The following EIF5B variants were observed in gnomAD, a reference collection of about 807,000 sequenced individuals.
The protein encoded by EIF5B is eIF-5B.
A neutral mutation model predicts 147.5 loss-of-function variants in EIF5B; 47 were observed. That is an observed-to-expected ratio of 0.32 (90% CI 0.25 to 0.41). The LOEUF is 0.41. EIF5B is among the 10% of genes least tolerant of loss of function. The pLI is 1.00. For missense variants in EIF5B, 1,064 were observed against 1,413.2 expected (o/e 0.75, Z 3.96); for synonymous variants, 455 against 456.2 (o/e 1.00, Z 0.03).
chr2:99,351,068 T>TTA (rs1673943237), intron 1 of EIF5B, among the ~76,000 whole-genome samples: 1 of 152,166 alleles, frequency 6.6e-6, no homozygotes, highest in African/African-American at 2.4e-5. Context: ...GGCTCACCAC[T>TTA]GTAATCCCAG....
Position 99,363,882 on chromosome 2 carries a change from G to A in EIF5B, c.1137+20G>A, listed in dbSNP as rs1674272351. 1.3e-6 allele frequency: 2 copies of A among 1,592,204 alleles called. No homozygotes were observed. Among genetic ancestry groups the A allele is most frequent in the South Asian group, 1.2e-5 (1 of 86,822 alleles). On this transcript the variant is annotated intron_variant, in intron 5 of 23. Transcript: ENST00000289371. ...GAAGAGGTATGTTTTCATGAAGTTG[G>A]TAACATTGATATTGTGTTTAACTTA...
chr2:99,378,957 T>A, intron 10 of EIF5B, 62 bp from the exon 11 acceptor site: 1 of 1,301,666 alleles, frequency 7.7e-7, no homozygotes, highest in South Asian at 1.7e-5. Context: ...AAACAGAAAA[T>A]AAGGATAGTG....
chr2:99,381,435 G>C (rs1674685849), intron 12 of EIF5B, among the ~76,000 whole-genome samples: 1 of 151,850 alleles, frequency 6.6e-6, no homozygotes, highest in African/African-American at 2.4e-5. Context: ...GCATTATTTT[G>C]ATGTAGATCA....
At chr2:99,355,162 G>A (rs539072234) in intron 1 of EIF5B, among the ~76,000 whole-genome samples, 2 of 152,222 alleles carry the variant, frequency 1.3e-5, no homozygotes, top group Admixed American at 6.5e-5. Flanking sequence ...GTCTTGATCT[G>A]TGTCTATTCC....
chr2:99,360,649 A>G, intron 3 of EIF5B, 100 bp downstream of exon 3: 11 of 1,065,888 alleles, frequency 1.0e-5, no homozygotes, highest in South Asian at 2.0e-5. Context: ...TGAGCAGTGT[A>G]CAATATGTTA....
chr2:99,366,960 G>A (rs1264963642), intron 6 of EIF5B, among the ~76,000 whole-genome samples: 1 of 152,192 alleles, frequency 6.6e-6, no homozygotes, highest in East Asian at 1.9e-4. Context: ...TTTGTAGCAA[G>A]TGGTACTAGA....
intron 1 of EIF5B, among the ~76,000 whole-genome samples, chr2:99,344,888 T>A (rs1026326855): frequency 6.6e-6 from 1 of 152,222 alleles, no homozygotes; most frequent in African/African-American, 2.4e-5. Flanking sequence ...TTCTGCCCCC[T>A]CCTTTCTTTT....
intron 22 of EIF5B, 51 bp downstream of exon 22, chr2:99,396,949 G>A: frequency 6.4e-7 from 1 of 1,555,514 alleles, no homozygotes. Context: ...CACTAAATGA[G>A]TGTCCAAGAG....
chr2:99,363,499 G>T, intron 4 of EIF5B, 146 bp from the exon 5 acceptor site: 2 of 755,220 alleles, frequency 2.6e-6, no homozygotes, highest in Non-Finnish European at 4.5e-6. Flanking sequence ...AAGTGCTCAG[G>T]ATGCCTTGAT....
chr2:99,369,546 G>C (rs763904935), intron 8 of EIF5B, 65 bp downstream of exon 8: 49 of 1,329,414 alleles, frequency 3.7e-5, no homozygotes, highest in Non-Finnish European at 5.1e-5. Flanking sequence ...TGTGTCATAA[G>C]TTGTCTTAGT....
At chr2:99,346,526 G>C (rs1012057610) in intron 1 of EIF5B, among the ~76,000 whole-genome samples, 2 of 149,414 alleles carry the variant, frequency 1.3e-5, no homozygotes, top group Admixed American at 6.7e-5. Context: ...ATGGAGTACA[G>C]AGACTGAGTT....
At chr2:99,358,621 G>A (rs1674142728) in intron 1 of EIF5B, among the ~76,000 whole-genome samples, 2 of 152,170 alleles carry the variant, frequency 1.3e-5, no homozygotes, top group African/African-American at 4.8e-5. Context: ...TATCTTGGGT[G>A]GGGTCAATAA....
At chr2:99,376,729 T>C in intron 10 of EIF5B, 93 bp downstream of exon 10, 1 of 1,461,610 alleles carries the variant, frequency 6.8e-7, no homozygotes, top group Non-Finnish European at 9.0e-7. Flanking sequence ...AACAGCACTT[T>C]ATGTATTCTC....
Position 99,396,763 on chromosome 2 carries a change from C to T in EIF5B, c.3258C>T (p.His1086=), listed in dbSNP as rs764484455. The T allele has an allele frequency of 6.2e-7, 1 of 1,600,060 alleles. No homozygotes were observed. Among genetic ancestry groups the T allele is most frequent in the Admixed American group, 1.8e-5 (1 of 55,736 alleles). The part of the protein sequence containing the change: ...YKKQKQEEFK[H]IAVFPCKIKI... ...TTCTTTTCTTTTTTCCTTTCAGGCA[C>T]ATAGCAGTATTTCCCTGCAAGATAA... Residue 1086 remains histidine, a synonymous_variant, in exon 22 of 24, where the codon CAC becomes CAT. Transcript: ENST00000289371.
Position 99,389,924 on chromosome 2 carries a change from A to G in EIF5B, c.2403+75A>G, listed in dbSNP as rs578250515. 99 of 1,477,394 alleles carry G rather than the reference A, an allele frequency of 6.7e-5. No homozygotes were observed. In the African/African-American group the frequency reaches 1.3e-3, roughly 20 times the overall value. The allele number at this position is 1,477,394 out of a possible 1,614,324, so 91.5% of individuals were successfully genotyped here. Reference sequence around the variant, plus strand: ...ATATTATCTTTATAATGAAGTCAGCATTTTCATTAATACTGGTTCTTTTCC... The same window carrying G: ...ATATTATCTTTATAATGAAGTCAGCGTTTTCATTAATACTGGTTCTTTTCC... On this transcript the variant is annotated intron_variant, in intron 15 of 23. Transcript: ENST00000289371.
Position 99,364,399 on chromosome 2 carries a change from T to C in EIF5B, c.1266T>C (p.Thr422=), listed in dbSNP as rs139598770. 1.7e-3 allele frequency: 2,668 copies of C among 1,603,688 alleles called. 36 individuals carry two copies. The African/African-American group carries it at 0.03, about 18-fold the overall frequency. Residue 422 remains threonine, a synonymous_variant, in exon 6 of 24, where the codon ACT becomes ACC. Coordinates refer to ENST00000289371, the MANE Select transcript of EIF5B (RefSeq NM_015904.4). ...QREARARAEA[T]LKLLQAQGVE... is the part of the protein sequence containing the mutation. Reference sequence around the variant, plus strand: ...AAGCCAGAGCCAGAGCCGAAGCTACTCTTAAACTGCTACAAGCTCAGGGTG... The same window carrying C: ...AAGCCAGAGCCAGAGCCGAAGCTACCCTTAAACTGCTACAAGCTCAGGGTG...
intron 14 of EIF5B, 142 bp from the exon 15 acceptor site, chr2:99,389,576 C>A: frequency 3.1e-6 from 2 of 640,182 alleles, no homozygotes; most frequent in Non-Finnish European, 4.6e-6. Flanking sequence ...CTGAAAGGAG[C>A]TTTTGGTACA....
At chr2:99,372,399 C>T (rs1467153320) in intron 9 of EIF5B, among the ~76,000 whole-genome samples, 1 of 152,100 alleles carries the variant, frequency 6.6e-6, no homozygotes, top group Non-Finnish European at 1.5e-5. Context: ...AGTGCAGTGG[C>T]GCAATCTCGG....
rs1675182378 is a variant in EIF5B at position 99,400,132 on chromosome 2, A to G, written c.*718A>G. On this transcript the variant is annotated 3_prime_UTR_variant, in exon 24 of 24. Transcript: ENST00000289371. ...CTCCCACAAGTTGTCCTCCTAGGACAAGAATTATCTTACAAACTAAACTAT... is the reference window on the plus strand; with the variant it reads ...CTCCCACAAGTTGTCCTCCTAGGACGAGAATTATCTTACAAACTAAACTAT... 1 of 152,196 alleles carries G rather than the reference A, an allele frequency of 6.6e-6. No individual in the cohort carries two copies. The highest frequency in any genetic ancestry group is 2.1e-4 in the South Asian group (1 of 4,834). 9.4% of individuals were successfully genotyped at this position (152,196 alleles called of 1,614,324 possible).
Sources: gnomAD v4.1 joint callset for allele counts (sites outside exome capture counted in the v4.1 genomes callset) on GRCh38, gnomAD v4.1.1 for gene constraint, MANE v1.5 for transcripts, NCBI Gene and HGNC (gene_info 2026-07-23, HGNC 2026-07-21) for gene names.